The following VWA5A variants were observed in gnomAD, a reference collection of about 807,000 sequenced individuals.
VWA5A encodes the protein von Willebrand factor A domain-containing protein 5A.
A neutral mutation model predicts 84.6 loss-of-function variants in VWA5A; 77 were observed. The ratio of observed to expected loss-of-function variants is 0.91; its 90% confidence interval spans 0.76 to 1.10. VWA5A has a LOEUF of 1.10. Among genes scored for constraint, VWA5A ranks in the 50% least tolerant of loss-of-function variants. The pLI is 0.00. For synonymous variants in VWA5A, 334 were observed against 350.1 expected, an observed-to-expected ratio of 0.95 and a Z score of 0.51; for missense variants, 973 against 963.0, an observed-to-expected ratio of 1.01 and a Z score of -0.14.
chr11:124,117,614 G>T lies in VWA5A; in HGVS notation c.44-59G>T, dbSNP rs78369177. On this transcript the variant is annotated intron_variant, in intron 3 of 18. Coordinates refer to ENST00000456829, the MANE Select transcript of VWA5A (RefSeq NM_001130142.2). Reference sequence around the variant, plus strand: ...ATCTTTGGCACCTATCACAAGGCTTGATCTACAAGGAGGCAATCTATTGAA... The same window carrying T: ...ATCTTTGGCACCTATCACAAGGCTTTATCTACAAGGAGGCAATCTATTGAA... The T allele has an allele frequency of 5.7e-3, 9,261 of 1,614,072 alleles. 488 individuals carry two copies. In the African/African-American group the frequency reaches 0.11, roughly 19 times the overall value.
At chr11:124,130,530 ATTTG>A (rs1257535414) in intron 11 of VWA5A, among the ~76,000 whole-genome samples, 1 of 151,920 alleles carries the variant, frequency 6.6e-6, no homozygotes, top group Non-Finnish European at 1.5e-5. Flanking sequence ...TCCTGAATAT[ATTTG>A]TTAGTTTTTT....
intron 11 of VWA5A, among the ~76,000 whole-genome samples, chr11:124,126,005 G>C (rs541851393): frequency 1.3e-5 from 2 of 152,274 alleles, no homozygotes; most frequent in Admixed American, 6.5e-5. Flanking sequence ...CCTTTTCTCA[G>C]TAATGCACAG....
At chr11:124,135,986 T>A in intron 12 of VWA5A, 143 bp from the exon 13 acceptor site, 1 of 859,156 alleles carries the variant, frequency 1.2e-6, no homozygotes, top group Non-Finnish European at 1.8e-6. Context: ...TCTTCATATA[T>A]AAAGCCCATC....
rs1864952243 is a variant in VWA5A at position 124,122,896 on chromosome 11, TTC to T, written c.761-62_761-61del. 2.7e-6 allele frequency: 4 copies of T among 1,484,890 alleles called. No individual in the cohort carries two copies. In the East Asian group the frequency reaches 9.1e-5, roughly 34 times the overall value. The allele number at this position is 1,484,890 out of a possible 1,614,324, so 92.0% of individuals were successfully genotyped here. A position where few individuals can be genotyped will look rare whatever the true frequency, so the allele number is the denominator to read the frequency against. ...TCTTAATTGAATTCACTACCATTGA[TTC>T]TTAGGTACTAGGATTCTTGAGTTCC... On this transcript the variant is annotated intron_variant, in intron 7 of 18. Transcript: ENST00000456829.
At chr11:124,143,424 C>G (rs1376658992) in intron 17 of VWA5A, among the ~76,000 whole-genome samples, 1 of 152,196 alleles carries the variant, frequency 6.6e-6, no homozygotes, top group African/African-American at 2.4e-5. Flanking sequence ...ACAGTATCCA[C>G]TAGTCACATG....
At chr11:124,119,233 C>A in intron 7 of VWA5A, 144 bp downstream of exon 7, 1 of 759,152 alleles carries the variant, frequency 1.3e-6, no homozygotes, top group Non-Finnish European at 2.1e-6. Context: ...CTATGTCATG[C>A]AAAAATGGTT....
chr11:124,145,317 G>A lies in VWA5A; in HGVS notation c.2235G>A (p.Trp745Ter), dbSNP rs200464179. 6.3e-5 allele frequency: 102 copies of A among 1,613,794 alleles called. No individual in the cohort carries two copies. In the East Asian group the frequency reaches 2.1e-3, roughly 33 times the overall value. ...ATGGTAAGGACTTGAAGTGTGAATG[G>A]GAGCTTCTGGAAAGGAAGGCCGTGG... The part of the protein sequence containing the change: ...HSNGKDLKCE[W>*]ELLERKAVAW... Residue 745 changes from tryptophan (W) to a stop codon, truncating the protein, a stop_gained, in exon 18 of 19, where the codon TGG becomes TGA. Coordinates refer to ENST00000456829, the MANE Select transcript of VWA5A (RefSeq NM_001130142.2). LOFTEE classifies it high-confidence loss of function.
At position 124,118,600 on chromosome 11, in the gene VWA5A, A is replaced by C. The variant is rs1292390225; in HGVS notation, c.537A>C (p.Thr179=). 6.2e-7 allele frequency: 1 copy of C among 1,614,168 alleles called. No individual in the cohort carries two copies. Among genetic ancestry groups the C allele is most frequent in the Admixed American group, 1.7e-5 (1 of 60,026 alleles). Residue 179 remains threonine (T), a synonymous_variant, in exon 6 of 19, where the codon ACA becomes ACC. Transcript: ENST00000456829. The stretch of plus-strand genomic sequence containing the variant: ...TCCCTGTGGAGGACCTGCCCTACAC[A>C]CTCAGCATGGTCGCCACCATAGATT... ...PIVPVEDLPY[T]LSMVATIDSQ...
At chr11:124,116,020 G>A (rs1294740141) in intron 1 of VWA5A, 1 of 152,262 alleles carries the variant, frequency 6.6e-6, no homozygotes, top group South Asian at 2.1e-4. Flanking sequence ...TCTCCTCCTT[G>A]TCTGGTTCCG....
intron 15 of VWA5A, among the ~76,000 whole-genome samples, chr11:124,140,711 C>T (rs1475521778): frequency 2.0e-5 from 3 of 152,098 alleles, no homozygotes; most frequent in Non-Finnish European, 4.4e-5. Context: ...TTGCGTGATC[C>T]TTCTGCCTGG....
chr11:124,127,457 A>G (rs1173965347), intron 11 of VWA5A, among the ~76,000 whole-genome samples: 1 of 152,114 alleles, frequency 6.6e-6, no homozygotes, highest in African/African-American at 2.4e-5. Context: ...TACTATTGTG[A>G]CAGTGCTGCA....
intron 7 of VWA5A, among the ~76,000 whole-genome samples, chr11:124,119,826 A>AAT (rs1864902304): frequency 6.6e-6 from 1 of 152,254 alleles, no homozygotes; most frequent in African/African-American, 2.4e-5. Context: ...ACCACTATAA[A>AAT]ATACTCTGTG....
In VWA5A at chr11:124,134,997, C is replaced by T; in HGVS notation, c.1322C>T (p.Ser441Leu). The part of the protein sequence containing the change: ...KGIARASGGT[S>L]EFITGKDRMQ... Reference sequence around the variant, plus strand: ...ATTGCCCGGGCATCAGGGGGCACCTCAGAATTTATCACAGGCAAAGACAGG... The same window carrying T: ...ATTGCCCGGGCATCAGGGGGCACCTTAGAATTTATCACAGGCAAAGACAGG... Residue 441 changes from serine to leucine, a missense_variant, in exon 12 of 19, where the codon TCA becomes TTA. By Grantham distance (145) the Ser-to-Leu change is moderately radical. Transcript: ENST00000456829. 6.2e-7 allele frequency: 1 copy of T among 1,613,632 alleles called. No homozygotes were observed. Among genetic ancestry groups the T allele is most frequent in the Non-Finnish European group, 8.5e-7 (1 of 1,179,812 alleles).
chr11:124,145,747 G>A, intron 18 of VWA5A, 119 bp from the exon 19 acceptor site: 2 of 1,061,708 alleles, frequency 1.9e-6, no homozygotes, highest in Non-Finnish European at 2.7e-6. Flanking sequence ...AGCAAGAAAA[G>A]AAAAAGCAGG....
chr11:124,123,597 G>A, intron 9 of VWA5A, 63 bp from the exon 10 acceptor site: 1 of 1,613,468 alleles, frequency 6.2e-7, no homozygotes, highest in East Asian at 2.2e-5. Flanking sequence ...TCTCAATTCA[G>A]GGACTCTATA....
chr11:124,131,822 T>C (rs1359838467), intron 11 of VWA5A, among the ~76,000 whole-genome samples: 1 of 151,824 alleles, frequency 6.6e-6, no homozygotes, highest in East Asian at 1.9e-4. Flanking sequence ...TTTTCTTCCC[T>C]TCTGGATTAG....
rs1864974908 is a variant in VWA5A, at chr11:124,123,882, A to G, written c.1164+78A>G. 2.7e-6 allele frequency: 4 copies of G among 1,486,280 alleles called. No individual in the cohort carries two copies. The South Asian group carries it at 5.7e-5, about 21-fold the overall frequency. The allele number at this position is 1,486,280 out of a possible 1,614,324, so 92.1% of individuals were successfully genotyped here. A position where few individuals can be genotyped will look rare whatever the true frequency, so the allele number is the denominator to read the frequency against. ...GAATCTATGCCCCTGAGCTTCATGC[A>G]GTATGTTGAAATATAGTTTGCAATT... is the stretch of plus-strand genomic sequence containing the variant. On this transcript the variant is annotated intron_variant, in intron 10 of 18. Coordinates refer to ENST00000456829, the MANE Select transcript of VWA5A (RefSeq NM_001130142.2).
chr11:124,124,929 T>G (rs1182182279), intron 11 of VWA5A: 1 of 123,258 alleles, frequency 8.1e-6, no homozygotes, highest in Non-Finnish European at 1.6e-5. Context: ...TCATTTTCAT[T>G]GATGTATAGT....
chr11:124,138,495 G>A (rs1350689820), intron 15 of VWA5A, among the ~76,000 whole-genome samples: 1 of 152,110 alleles, frequency 6.6e-6, no homozygotes, highest in African/African-American at 2.4e-5. Flanking sequence ...CAGGTATGAG[G>A]TGATATCTCA....
Sources: allele counts gnomAD v4.1 joint callset (sites outside exome capture counted in the v4.1 genomes callset), GRCh38; gene constraint gnomAD v4.1.1; transcripts MANE v1.5; gene names NCBI Gene and HGNC (gene_info 2026-07-23, HGNC 2026-07-21).